ANKRD29: variants seen among roughly 807,000 people sequenced by gnomAD.
ANKRD29 encodes the protein ankyrin repeat domain-containing protein 29.
In ANKRD29, 32 loss-of-function variants were observed where a neutral mutation model predicts 38.0. The ratio of observed to expected loss-of-function variants is 0.84; its 90% CI spans 0.64 to 1.13. The LOEUF (loss-of-function observed/expected upper bound fraction) is 1.13, where lower values mean the gene tolerates loss of function less well. ANKRD29 is among the 50% of genes most tolerant of loss of function. The probability of loss-of-function intolerance (pLI) is 0.00; values close to 1 mark genes in which losing one functional copy is unlikely to be tolerated. For synonymous variants in ANKRD29, 135 were observed against 152.4 expected (o/e 0.89, Z 0.84); for missense variants, 357 against 377.9 (o/e 0.94, Z 0.46).
intron 9 of ANKRD29, among the ~76,000 whole-genome samples, chr18:23,602,818 A>T (rs996725192): frequency 1.3e-5 from 2 of 152,088 alleles, no homozygotes; most frequent in Non-Finnish European, 1.5e-5. Flanking sequence ...AGAAAATTTT[A>T]AAAATATATT....
intron 8 of ANKRD29, among the ~76,000 whole-genome samples, chr18:23,616,177 A>G (rs1414015669): frequency 3.3e-5 from 5 of 150,424 alleles, no homozygotes; most frequent in Non-Finnish European, 7.4e-5. Context: ...CTCTATACAT[A>G]CTGTATGTAT....
At chr18:23,654,297 A>C (rs1233260433) in intron 1 of ANKRD29, among the ~76,000 whole-genome samples, 1 of 148,896 alleles carries the variant, frequency 6.7e-6, no homozygotes, top group African/African-American at 2.5e-5. Flanking sequence ...TAAATAAATA[A>C]ATAAATAAAT....
intron 1 of ANKRD29, among the ~76,000 whole-genome samples, chr18:23,652,763 C>G (rs1008437880): frequency 2.0e-5 from 3 of 152,204 alleles, no homozygotes; most frequent in Non-Finnish European, 4.4e-5. Context: ...AACCAAGGAG[C>G]TTCTCTCAGG....
Position 23,629,960 on chromosome 18 carries a change from G to C in ANKRD29, c.430-9C>G, listed in dbSNP as rs1338037539. On this transcript the variant is annotated splice_polypyrimidine_tract_variant and intron_variant, in intron 5 of 9. Transcript: ENST00000592179. Reference sequence around the variant, plus strand: ...AGGGCAGTGGCTCCATCCTGAGAGAGAACAAATTAAAAGCATTAAAAACAT... The same window carrying C: ...AGGGCAGTGGCTCCATCCTGAGAGACAACAAATTAAAAGCATTAAAAACAT... The C allele has an allele frequency of 6.2e-7, 1 of 1,605,946 alleles. No homozygotes were observed. The highest frequency in any genetic ancestry group is 8.5e-7 in the Non-Finnish European group (1 of 1,173,224).
At chr18:23,662,502 C>A (rs2060377574) in intron 1 of ANKRD29, among the ~76,000 whole-genome samples, 1 of 151,622 alleles carries the variant, frequency 6.6e-6, no homozygotes. Flanking sequence ...TCAGGCAGGG[C>A]AGGCAGGCAA....
chr18:23,622,809 C>T (rs1478133111), intron 6 of ANKRD29, among the ~76,000 whole-genome samples: 1 of 152,312 alleles, frequency 6.6e-6, no homozygotes, highest in Non-Finnish European at 1.5e-5. Context: ...TCAAGTGATC[C>T]ACCCGCCTTG....
intron 4 of ANKRD29, among the ~76,000 whole-genome samples, chr18:23,635,997 C>T (rs773238197): frequency 2.4e-4 from 36 of 152,074 alleles, no homozygotes; most frequent in Non-Finnish European, 3.8e-4. Context: ...CACAGAATTG[C>T]GTAACAGCAG....
Position 23,599,371 on chromosome 18 carries a change from A to T in ANKRD29, c.*1855T>A, listed in dbSNP as rs1361128680. The T allele has an allele frequency of 6.6e-6, 1 of 152,236 alleles. No individual in the cohort carries two copies. Among genetic ancestry groups the T allele is most frequent in the East Asian group, 1.9e-4 (1 of 5,202 alleles). The allele number at this position is 152,236 out of a possible 1,614,324, so 9.4% of individuals were successfully genotyped here. ...AATAGGCCAATTACATGTTTTAGTGAAAAACAGTAAGTTTGTGATTCATCC... is the reference window on the plus strand; with the variant it reads ...AATAGGCCAATTACATGTTTTAGTGTAAAACAGTAAGTTTGTGATTCATCC... On this transcript the variant is annotated 3_prime_UTR_variant, in exon 10 of 10. Coordinates refer to ENST00000592179, the MANE Select transcript of ANKRD29 (RefSeq NM_173505.4).
intron 6 of ANKRD29, among the ~76,000 whole-genome samples, chr18:23,621,746 C>T (rs925689513): frequency 2.6e-5 from 4 of 152,122 alleles, no homozygotes; most frequent in African/African-American, 9.7e-5. Flanking sequence ...ATGATCAAGG[C>T]TCACTGTAGC....
rs765669551 is a variant in ANKRD29, at chr18:23,600,459, T to C, written c.*767A>G. The C allele has an allele frequency of 1.3e-5, 2 of 152,308 alleles. No individual in the cohort carries two copies. Among genetic ancestry groups the C allele is most frequent in the East Asian group, 1.9e-4 (1 of 5,196 alleles). 9.4% of individuals were successfully genotyped at this position (152,308 alleles called of 1,614,324 possible). On this transcript the variant is annotated 3_prime_UTR_variant, in exon 10 of 10. Coordinates refer to ENST00000592179, the MANE Select transcript of ANKRD29 (RefSeq NM_173505.4). ...ATAAAAGACCAAAGAGACAAGCCTA[T>C]ATATTTCTCGTGGTTTATAAGTTTC...
At chr18:23,634,541 C>T (rs945297787) in intron 4 of ANKRD29, among the ~76,000 whole-genome samples, 2 of 151,912 alleles carry the variant, frequency 1.3e-5, no homozygotes, top group African/African-American at 2.4e-5. Flanking sequence ...CTGCCCACCG[C>T]GACATCTCAA....
rs1468281517 is a variant in ANKRD29, at chr18:23,646,233, TCACA to T, written c.183_186del (p.Cys61Ter). ...TCTGCTCCTTGCAGAACCAGTTCCCTCACACAGTCTATGTGGCCAGCGTAGGCAG... is the reference window on the plus strand; with the variant it reads ...TCTGCTCCTTGCAGAACCAGTTCCCTCAGTCTATGTGGCCAGCGTAGGCAG... On this transcript the variant is annotated frameshift_variant, in exon 3 of 10. Transcript: ENST00000592179. LOFTEE classifies it high-confidence loss of function. The T allele has an allele frequency of 1.9e-6, 3 of 1,614,140 alleles. No individual in the cohort carries two copies. The highest frequency in any genetic ancestry group is 1.7e-5 in the Admixed American group (1 of 60,024).
chr18:23,606,361 C>A (rs1229644288), intron 9 of ANKRD29, among the ~76,000 whole-genome samples: 1 of 152,184 alleles, frequency 6.6e-6, no homozygotes, highest in Non-Finnish European at 1.5e-5. Context: ...TTCAAGCGAT[C>A]CTGCTGCCTC....
At chr18:23,662,578 A>T in intron 1 of ANKRD29, 132 bp downstream of exon 1, 2 of 876,042 alleles carry the variant, frequency 2.3e-6, no homozygotes, top group Non-Finnish European at 3.1e-6. Context: ...CAGCTGGAGG[A>T]GAGAGGAAGG....
At chr18:23,649,262 G>T in intron 1 of ANKRD29, 69 bp from the exon 2 acceptor site, 1 of 1,115,254 alleles carries the variant, frequency 9.0e-7, no homozygotes, top group South Asian at 1.4e-5. Context: ...TATGCACATA[G>T]ATAATAACAT....
intron 3 of ANKRD29, 25 bp downstream of exon 3, chr18:23,646,164 T>G: frequency 6.2e-7 from 1 of 1,610,328 alleles, no homozygotes; most frequent in Non-Finnish European, 8.5e-7. Context: ...TGGTCATTTT[T>G]CTTCAAGTGC....
chr18:23,626,951 G>A (rs188354625), intron 6 of ANKRD29, among the ~76,000 whole-genome samples: 1 of 152,330 alleles, frequency 6.6e-6, no homozygotes, highest in Non-Finnish European at 1.5e-5. Context: ...TCCTCATTTT[G>A]TAAATTCAAG....
chr18:23,642,914 T>G (rs952035055), intron 3 of ANKRD29, among the ~76,000 whole-genome samples: 1 of 152,222 alleles, frequency 6.6e-6, no homozygotes, highest in African/African-American at 2.4e-5. Flanking sequence ...ACTGTGCAAG[T>G]GCTGTACATG....
intron 5 of ANKRD29, among the ~76,000 whole-genome samples, chr18:23,630,203 T>C (rs2059912476): frequency 1.3e-5 from 2 of 151,958 alleles, no homozygotes; most frequent in Admixed American, 1.3e-4. Context: ...GGCAGGTGGA[T>C]CACCTGACAT....
Sources: gnomAD v4.1 joint callset for allele counts (sites outside exome capture counted in the v4.1 genomes callset) on GRCh38, gnomAD v4.1.1 for gene constraint, MANE v1.5 for transcripts, NCBI Gene and HGNC (gene_info 2026-07-23, HGNC 2026-07-21) for gene names.